PALLD: variants seen among roughly 807,000 people sequenced by gnomAD.
The protein encoded by PALLD is palladin, cytoskeletal associated protein.
Under a neutral mutation model 123.5 loss-of-function variants are expected in PALLD, and 61 were observed. The observed-to-expected ratio is 0.49, with a 90% CI of 0.40 to 0.61. The LOEUF (loss-of-function observed/expected upper bound fraction) is 0.61, where lower values mean the gene tolerates loss of function less well. PALLD is among the 20% of genes least tolerant of loss of function. The probability of loss-of-function intolerance (pLI) is 0.00; values close to 1 mark genes in which losing one functional copy is unlikely to be tolerated. For synonymous variants in PALLD, 465 were observed against 496.4 expected (o/e 0.94, Z 0.84); for missense variants, 1,273 against 1,377.0 (o/e 0.92, Z 1.20).
At chr4:168,765,465 G>A (rs1025123578) in intron 10 of PALLD, among the ~76,000 whole-genome samples, 1 of 152,142 alleles carries the variant, frequency 6.6e-6, no homozygotes, top group African/African-American at 2.4e-5. Context: ...GTCAGAATGG[G>A]TACTTGGGAG....
intron 1 of PALLD, among the ~76,000 whole-genome samples, chr4:168,500,084 G>A (rs1761237742): frequency 6.6e-6 from 1 of 152,174 alleles, no homozygotes; most frequent in South Asian, 2.1e-4. Flanking sequence ...TTCTGCTGCA[G>A]TTGTGGGTAA....
At chr4:168,785,846 G>GAGAGATATATATATATATATATAT (rs764117358) in intron 10 of PALLD, among the ~76,000 whole-genome samples, 2 of 80,918 alleles carry the variant, frequency 2.5e-5, no homozygotes, top group Non-Finnish European at 5.6e-5. Flanking sequence ...AAACTGTAGA[G>GAGAGATATATATATATATATATAT]ATATATATAT....
chr4:168,676,132 T>C (rs190191878), intron 3 of PALLD, among the ~76,000 whole-genome samples: 98 of 152,328 alleles, frequency 6.4e-4, no homozygotes, highest in Non-Finnish European at 2.1e-4. Context: ...CTTTCCAATT[T>C]TTTCCTACAT....
At chr4:168,645,653 C>G (rs1580740337) in intron 2 of PALLD, among the ~76,000 whole-genome samples, 1 of 152,212 alleles carries the variant, frequency 6.6e-6, no homozygotes. Context: ...ACTACATTCA[C>G]TTAGAAAATA....
intron 8 of PALLD, among the ~76,000 whole-genome samples, chr4:168,704,709 C>T (rs1784064120): frequency 2.0e-5 from 3 of 149,372 alleles, no homozygotes; most frequent in Admixed American, 2.0e-4. Context: ...ATTTGTATTA[C>T]CTATTCAAAA....
chr4:168,518,057 CT>C lies in PALLD; in HGVS notation c.908+5646del, dbSNP rs1287922829. On this transcript the variant is annotated intron_variant, in intron 2 of 21. Transcript: ENST00000505667. ...GATTCTCCTCTCCTCCAAAAACCTT[CT>C]CTTTCCAAATCTTCTCCATGTCAAC... is the stretch of plus-strand genomic sequence containing the variant. Among the ~76,000 whole-genome samples the C allele has an allele frequency of 2.6e-5, 4 of 152,194 alleles. No individual in the cohort carries two copies. In the East Asian group the frequency reaches 5.8e-4, roughly 22 times the overall value.
At chr4:168,880,108 T>A (rs1424640882) in intron 10 of PALLD, among the ~76,000 whole-genome samples, 1 of 152,236 alleles carries the variant, frequency 6.6e-6, no homozygotes, top group Non-Finnish European at 1.5e-5. Flanking sequence ...GATTGTGCCA[T>A]TTATCATTTG....
chr4:168,830,546 C>G (rs991284788), intron 10 of PALLD, among the ~76,000 whole-genome samples: 2 of 151,452 alleles, frequency 1.3e-5, no homozygotes, highest in African/African-American at 4.9e-5. Flanking sequence ...AAAAAAGTTA[C>G]AAAATTGTAT....
chr4:168,706,710 T>C (rs899623193), intron 8 of PALLD, among the ~76,000 whole-genome samples: 2 of 151,972 alleles, frequency 1.3e-5, no homozygotes, highest in African/African-American at 4.8e-5. Flanking sequence ...AGAAATCGAG[T>C]AAAACTCAAT....
chr4:168,759,595 G>A (rs536135493), intron 10 of PALLD, among the ~76,000 whole-genome samples: 1 of 152,014 alleles, frequency 6.6e-6, no homozygotes, highest in South Asian at 2.1e-4. Flanking sequence ...CCTGTGAGAA[G>A]AAGAAAACCA....
intron 8 of PALLD, among the ~76,000 whole-genome samples, chr4:168,707,279 A>C (rs1404322055): frequency 6.6e-6 from 1 of 152,200 alleles, no homozygotes; most frequent in Non-Finnish European, 1.5e-5. Flanking sequence ...TAGTTGCTTA[A>C]AGCAGCAACC....
rs954340046 is a variant in PALLD at position 168,926,505 on chromosome 4, A to C, written c.*325A>C. The stretch of plus-strand genomic sequence containing the variant: ...TTGACTATAAGAAATTAAAAAAAAA[A>C]CACCAAAATAATATTTTTCTTACTT... On this transcript the variant is annotated 3_prime_UTR_variant, in exon 22 of 22. Coordinates refer to ENST00000505667, the MANE Select transcript of PALLD (RefSeq NM_001166108.2). 91 of 593,362 alleles carry C rather than the reference A, an allele frequency of 1.5e-4. 1 individual carries two copies. Among genetic ancestry groups the C allele is most frequent in the South Asian group, 9.8e-4 (39 of 39,880 alleles). The allele number at this position is 593,362 out of a possible 1,614,324, so 36.8% of individuals were successfully genotyped here.
intron 8 of PALLD, among the ~76,000 whole-genome samples, chr4:168,692,925 A>G (rs796885437): frequency 9.8e-5 from 15 of 152,372 alleles, no homozygotes; most frequent in African/African-American, 3.6e-4. Flanking sequence ...TCAAAACATT[A>G]GTTAGAAACT....
In PALLD at chr4:168,738,390, TTTTTA is replaced by T. The variant is rs375226875; in HGVS notation, c.1964+26472_1964+26476del. The stretch of plus-strand genomic sequence containing the variant: ...AAGAAGAGTCCACAATGTTCGATAA[TTTTTA>T]TTTTGTTTTAATATGTGTTCTATCT... On this transcript the variant is annotated intron_variant, in intron 10 of 21. Transcript: ENST00000505667. 5.9e-4 allele frequency among the ~76,000 whole-genome samples: 90 copies of T among 152,162 alleles called. 1 individual carries two copies. The highest frequency in any genetic ancestry group is 2.1e-3 in the African/African-American group (87 of 41,524).
chr4:168,559,667 T>C (rs957230035), intron 2 of PALLD, among the ~76,000 whole-genome samples: 1 of 151,842 alleles, frequency 6.6e-6, no homozygotes, highest in African/African-American at 2.4e-5. Context: ...GAGGCCGAGG[T>C]GGGTGGATTG....
At chr4:168,626,681 A>T (rs1405605861) in intron 2 of PALLD, among the ~76,000 whole-genome samples, 1 of 151,390 alleles carries the variant, frequency 6.6e-6, no homozygotes, top group Non-Finnish European at 1.5e-5. Flanking sequence ...ACTGCATTCC[A>T]GCCTGGGTAA....
chr4:168,730,948 A>C (rs550569950), intron 10 of PALLD, among the ~76,000 whole-genome samples: 8 of 152,222 alleles, frequency 5.3e-5, no homozygotes, highest in African/African-American at 1.7e-4. Flanking sequence ...AGCTTTCTGT[A>C]TTCTAGAGTA....
chr4:168,578,044 T>C (rs959447655), intron 2 of PALLD, among the ~76,000 whole-genome samples: 7 of 152,040 alleles, frequency 4.6e-5, no homozygotes, highest in Non-Finnish European at 8.8e-5. Context: ...TGTGCTTCCT[T>C]TGGATGCAGG....
At chr4:168,639,821 G>A (rs1337174570) in intron 2 of PALLD, among the ~76,000 whole-genome samples, 2 of 152,284 alleles carry the variant, frequency 1.3e-5, no homozygotes, top group Middle Eastern at 6.8e-3. Flanking sequence ...TGGGATTATA[G>A]GCGTGAGCCA....
Sources: allele counts gnomAD v4.1 joint callset (sites outside exome capture counted in the v4.1 genomes callset), GRCh38; gene constraint gnomAD v4.1.1; transcripts MANE v1.5; gene names NCBI Gene and HGNC (gene_info 2026-07-23, HGNC 2026-07-21).